The following HMG20A variants were observed in gnomAD, a reference collection of about 807,000 sequenced individuals.
The protein encoded by HMG20A is high mobility group 20A.
A neutral mutation model predicts 43.9 loss-of-function variants in HMG20A; 17 were observed. The ratio of observed to expected loss-of-function variants is 0.39; its 90% CI spans 0.27 to 0.58. HMG20A has a LOEUF of 0.58. Ranked by LOEUF, HMG20A falls within the 20% of genes least tolerant of loss-of-function variation. HMG20A has a pLI of 0.59. For synonymous variants in HMG20A, 132 were observed against 147.5 expected (o/e 0.89, Z 0.76); for missense variants, 341 against 438.2 (o/e 0.78, Z 1.98).
intron 4 of HMG20A, among the ~76,000 whole-genome samples, chr15:77,470,508 T>C (rs956281541): frequency 6.6e-6 from 1 of 152,208 alleles, no homozygotes; most frequent in Non-Finnish European, 1.5e-5. Flanking sequence ...AGTAATATTC[T>C]GTTCCTTCCC....
At chr15:77,476,184 T>C (rs562433660) in intron 6 of HMG20A, among the ~76,000 whole-genome samples, 1 of 151,934 alleles carries the variant, frequency 6.6e-6, no homozygotes, top group Non-Finnish European at 1.5e-5. Context: ...GTTCAAAGAT[T>C]TAAAAAACTA....
intron 1 of HMG20A, among the ~76,000 whole-genome samples, chr15:77,434,309 C>T (rs907888042): frequency 6.0e-5 from 9 of 150,420 alleles, no homozygotes; most frequent in Non-Finnish European, 8.9e-5. Context: ...GGTAATGATC[C>T]GAAAAGGAAG....
chr15:77,457,756 G>A lies in HMG20A; in HGVS notation c.-4-648G>A, dbSNP rs184341387. Among the ~76,000 whole-genome samples the A allele has an allele frequency of 7.4e-4, 112 of 152,220 alleles. 1 individual carries two copies. Among genetic ancestry groups the A allele is most frequent in the Non-Finnish European group, 9.6e-4 (65 of 68,010 alleles). On this transcript the variant is annotated intron_variant, in intron 1 of 9. Coordinates refer to ENST00000336216, the MANE Select transcript of HMG20A (RefSeq NM_001304504.2). ...AGCATATTTCTGACCTGGAAGTGTG[G>A]TTTCTTTGACTGAGAGCCACATCAG...
At chr15:77,500,042 G>C in the HMG20A span, among the ~76,000 whole-genome samples, 1 of 151,766 alleles carries the variant, frequency 6.6e-6, no homozygotes, top group African/African-American at 2.4e-5. Flanking sequence ...TGTTGGCCAC[G>C]CTGGTCTTGA....
chr15:77,470,826 G>A (rs553515864), intron 4 of HMG20A, 84 bp from the exon 5 acceptor site: 136 of 1,185,182 alleles, frequency 1.1e-4, no homozygotes, highest in Non-Finnish European at 1.4e-4. Context: ...TGTTCTAATT[G>A]TCCTGTTTTC....
Position 77,464,265 on chromosome 15 carries a change from A to G in HMG20A, c.115A>G (p.Ser39Gly), listed in dbSNP as rs375242827. The G allele has an allele frequency of 1.9e-6, 3 of 1,613,748 alleles. No individual in the cohort carries two copies. Among genetic ancestry groups the G allele is most frequent in the Non-Finnish European group, 1.7e-6 (2 of 1,179,832 alleles). The change falls in exon 3 of 10, where the codon AGT (serine) becomes GGT (glycine). Residue 39 changes from serine to glycine, a missense_variant. Around this residue, in one of 3 missense-constraint regions of HMG20A, gnomAD observed 220 missense variants for 263.6 expected, o/e 0.83. Coordinates refer to ENST00000336216, the MANE Select transcript of HMG20A (RefSeq NM_001304504.2). ...TGLNHPEVPYSSGATSSTNNP... is the reference protein window; with the variant it reads ...TGLNHPEVPYGSGATSSTNNP... ...GTTAAATCACCCAGAGGTTCCATACAGTAGTGGCGCCACATCATCCACCAA... is the reference window on the plus strand; with the variant it reads ...GTTAAATCACCCAGAGGTTCCATACGGTAGTGGCGCCACATCATCCACCAA...
In HMG20A at chr15:77,479,295, G is replaced by T; in HGVS notation, c.1024G>T (p.Val342Leu). 4 of 1,614,062 alleles carry T rather than the reference G, an allele frequency of 2.5e-6. No homozygotes were observed. The highest frequency in any genetic ancestry group is 3.4e-6 in the Non-Finnish European group (4 of 1,179,962). ...CTTCATAGCTACAGTTCGAGAAGTTGTGAACAGACTCGATCGTTAGGGAAT... is the reference window on the plus strand; with the variant it reads ...CTTCATAGCTACAGTTCGAGAAGTTTTGAACAGACTCGATCGTTAGGGAAT... ...ENFIATVREV[V>L]NRLDR The change falls in exon 9 of 10, where the codon GTG becomes TTG. Residue 342 changes from valine to leucine, a missense_variant. Physicochemically the swap from Val to Leu is conservative, Grantham distance 32. Coordinates refer to ENST00000336216, the MANE Select transcript of HMG20A (RefSeq NM_001304504.2).
chr15:77,499,834 CTTT>C, the HMG20A span, among the ~76,000 whole-genome samples: 2 of 145,364 alleles, frequency 1.4e-5, no homozygotes, highest in Non-Finnish European at 1.5e-5. Context: ...TTTTTCTTTT[CTTT>C]TTTTTTTTTT....
the HMG20A span, among the ~76,000 whole-genome samples, chr15:77,518,236 G>C: frequency 6.6e-6 from 1 of 151,936 alleles, no homozygotes; most frequent in Non-Finnish European, 1.5e-5. Flanking sequence ...TGGGGGAGCC[G>C]ATAGGGGAGG....
intron 6 of HMG20A, among the ~76,000 whole-genome samples, chr15:77,474,392 T>A (rs2072837117): frequency 6.6e-6 from 1 of 152,210 alleles, no homozygotes; most frequent in South Asian, 2.1e-4. Context: ...GTGACTTGCC[T>A]AAGACAGTAT....
intron 1 of HMG20A, among the ~76,000 whole-genome samples, chr15:77,433,779 T>G (rs2073515410): frequency 6.6e-6 from 1 of 152,228 alleles, no homozygotes; most frequent in Admixed American, 6.5e-5. Flanking sequence ...AGTCATAGAT[T>G]GGAAGACTTG....
the HMG20A span, among the ~76,000 whole-genome samples, chr15:77,502,098 AAAG>A: frequency 1.3e-5 from 2 of 152,246 alleles, no homozygotes; most frequent in African/African-American, 4.8e-5. Context: ...AAAAAAATCA[AAAG>A]AAGAATATTT....
At chr15:77,475,791 A>G (rs557669207) in intron 6 of HMG20A, among the ~76,000 whole-genome samples, 14 of 152,346 alleles carry the variant, frequency 9.2e-5, no homozygotes, top group African/African-American at 3.4e-4. Flanking sequence ...CCACTGCGAA[A>G]TATGGCTAAG....
intron 4 of HMG20A, among the ~76,000 whole-genome samples, chr15:77,469,325 A>G (rs2072785722): frequency 6.6e-6 from 1 of 151,184 alleles, no homozygotes. Flanking sequence ...AATCTTTATC[A>G]TTATGGTTAC....
chr15:77,426,228 A>G (rs1417413936), intron 1 of HMG20A, among the ~76,000 whole-genome samples: 2 of 152,134 alleles, frequency 1.3e-5, no homozygotes, highest in Non-Finnish European at 2.9e-5. Flanking sequence ...TACAGTTGAC[A>G]CCTGAACAAT....
At chr15:77,478,255 T>C (rs761861906) in intron 7 of HMG20A, 40 bp from the exon 8 acceptor site, 1 of 1,602,924 alleles carries the variant, frequency 6.2e-7, no homozygotes, top group Admixed American at 1.7e-5. Context: ...CAGAGACTCC[T>C]TCTAGTGCTG....
chr15:77,469,655 A>G (rs970717759), intron 4 of HMG20A, among the ~76,000 whole-genome samples: 2 of 151,456 alleles, frequency 1.3e-5, no homozygotes, highest in Admixed American at 6.6e-5. Context: ...CCATTTATTT[A>G]TTTGTTTGTT....
chr15:77,446,957 A>C (rs17471280), intron 1 of HMG20A, among the ~76,000 whole-genome samples: 1 of 152,078 alleles, frequency 6.6e-6, no homozygotes, highest in East Asian at 1.9e-4. Flanking sequence ...ACCTTTTCAT[A>C]TATCACAGGC....
chr15:77,421,908 G>T (rs1048881197), intron 1 of HMG20A, among the ~76,000 whole-genome samples: 2 of 152,238 alleles, frequency 1.3e-5, no homozygotes, highest in African/African-American at 2.4e-5. Flanking sequence ...TTTTTAAATG[G>T]TATCTGTTCT....
Sources: allele counts gnomAD v4.1 joint callset (sites outside exome capture counted in the v4.1 genomes callset), GRCh38; gene constraint gnomAD v4.1.1; regional missense constraint gnomAD v4.1.1; transcripts MANE v1.5; gene names NCBI Gene and HGNC (gene_info 2026-07-23, HGNC 2026-07-21).